MTMR8: variants seen among roughly 807,000 people sequenced by gnomAD.
MTMR8 encodes the protein phosphatidylinositol-3,5-bisphosphate 3-phosphatase MTMR8.
Under a neutral mutation model 39.3 loss-of-function variants are expected in MTMR8, and 65 were observed. The ratio of observed to expected loss-of-function variants is 1.65; its 90% CI spans 1.35 to 2.03. The LOEUF (loss-of-function observed/expected upper bound fraction) is 2.03, where lower values mean the gene tolerates loss of function less well. Among genes scored for constraint, MTMR8 ranks in the 30% most tolerant of loss-of-function variants. The pLI is 0.00. For missense variants in MTMR8, 777 were observed against 538.9 expected (o/e 1.44, Z -4.37); for synonymous variants, 245 against 185.2 (o/e 1.32, Z -2.62).
At chrX:64,329,748 A>G (rs1388754074) in intron 11 of MTMR8, among the ~76,000 whole-genome samples, 1 of 111,226 alleles carries the variant, frequency 9.0e-6, no homozygotes, top group Non-Finnish European at 1.9e-5. Flanking sequence ...CAATTGTCAG[A>G]GCATTTCAGT....
rs147508490 is a variant in MTMR8 at position 64,311,885 on chromosome X, G to A, written c.1481+16887C>T. Among the ~76,000 whole-genome samples the A allele has an allele frequency of 9.4e-3, 1,028 of 108,858 alleles. 15 individuals carry two copies. The highest frequency in any genetic ancestry group is 0.031 in the African/African-American group (919 of 29,670). 94.5% of individuals were successfully genotyped at this position (108,858 alleles called of 115,157 possible). On this transcript the variant is annotated intron_variant, in intron 12 of 13. Coordinates refer to ENST00000374852, the MANE Select transcript of MTMR8 (RefSeq NM_017677.4). Reference sequence around the variant, plus strand: ...TATATATCTGCTTTGGTACCAGCACGATGCTGTTTTGGTTACTGTAGCCTT... The same window carrying A: ...TATATATCTGCTTTGGTACCAGCACAATGCTGTTTTGGTTACTGTAGCCTT...
chrX:64,374,594 A>G (rs1025561025), intron 1 of MTMR8, among the ~76,000 whole-genome samples: 3 of 111,832 alleles, frequency 2.7e-5, no homozygotes, highest in African/African-American at 9.8e-5. Flanking sequence ...CTCAGCCAAG[A>G]GTGGAATAAA....
chrX:64,331,532 G>T (rs1922938566), intron 11 of MTMR8, 25 bp downstream of exon 11: 2 of 1,190,256 alleles, frequency 1.7e-6, no homozygotes, highest in Admixed American at 2.2e-5. Flanking sequence ...TCCCTGTTCA[G>T]TGTCTTCTCA....
chrX:64,320,732 A>G (rs1418285079), intron 12 of MTMR8, among the ~76,000 whole-genome samples: 1 of 111,016 alleles, frequency 9.0e-6, no homozygotes, highest in Non-Finnish European at 1.9e-5. Context: ...GGTCAGATAC[A>G]TGCTGAGGGT....
chrX:64,321,784 T>C (rs1427263651), intron 12 of MTMR8, among the ~76,000 whole-genome samples: 1 of 112,384 alleles, frequency 8.9e-6, no homozygotes, highest in Non-Finnish European at 1.9e-5. Context: ...AATATAGTAT[T>C]ACCTGTGGGT....
intron 10 of MTMR8, among the ~76,000 whole-genome samples, chrX:64,332,921 T>A (rs1922980379): frequency 9.0e-6 from 1 of 111,546 alleles, no homozygotes; most frequent in Admixed American, 9.6e-5. Context: ...TCTTAACTCC[T>A]GCAGACCTCA....
chrX:64,331,074 A>C (rs1322056166), intron 11 of MTMR8, among the ~76,000 whole-genome samples: 2 of 111,608 alleles, frequency 1.8e-5, no homozygotes, highest in Non-Finnish European at 3.8e-5. Flanking sequence ...GAACTCATTC[A>C]TGTAACCAAA....
At chrX:64,359,357 T>C (rs377477783) in intron 2 of MTMR8, 48 bp downstream of exon 2, 1 of 1,148,704 alleles carries the variant, frequency 8.7e-7, no homozygotes, top group Admixed American at 2.4e-5. Context: ...AGAGAGCATG[T>C]ATGCACAACT....
At chrX:64,324,553 C>T (rs1387268394) in intron 12 of MTMR8, among the ~76,000 whole-genome samples, 1 of 109,899 alleles carries the variant, frequency 9.1e-6, no homozygotes, top group Admixed American at 9.8e-5. Context: ...GATGTGGTGG[C>T]ATGCACCTGT....
intron 12 of MTMR8, among the ~76,000 whole-genome samples, chrX:64,290,747 T>C (rs1921366642): frequency 8.9e-6 from 1 of 112,188 alleles, no homozygotes; most frequent in East Asian, 2.8e-4. Context: ...GAAATTGGCA[T>C]TTTTCACTTA....
chrX:64,274,080 C>T (rs1440758097), intron 12 of MTMR8, among the ~76,000 whole-genome samples: 1 of 111,467 alleles, frequency 9.0e-6, no homozygotes, highest in Non-Finnish European at 1.9e-5. Context: ...AAATAGCAGA[C>T]TTGAACAAGT....
At chrX:64,326,484 CA>C (rs1224801732) in intron 12 of MTMR8, among the ~76,000 whole-genome samples, 1 of 111,231 alleles carries the variant, frequency 9.0e-6, no homozygotes, top group Non-Finnish European at 1.9e-5. Context: ...TAAGTTTAAC[CA>C]AGGAGGTGAA....
chrX:64,322,944 C>T (rs1476303475), intron 12 of MTMR8, among the ~76,000 whole-genome samples: 2 of 112,756 alleles, frequency 1.8e-5, no homozygotes, highest in Non-Finnish European at 3.7e-5. Flanking sequence ...CTGAGTACTG[C>T]CCAGTGATGT....
intron 2 of MTMR8, among the ~76,000 whole-genome samples, chrX:64,357,665 C>G (rs1015894709): frequency 3.6e-5 from 4 of 111,443 alleles, no homozygotes; most frequent in African/African-American, 1.3e-4. Context: ...TGGCTTCAAG[C>G]GATCCTTCTT....
At chrX:64,339,309 A>G (rs1923156030) in intron 8 of MTMR8, among the ~76,000 whole-genome samples, 1 of 111,603 alleles carries the variant, frequency 9.0e-6, no homozygotes, top group Admixed American at 9.5e-5. Flanking sequence ...CCAGGAGGGA[A>G]TAGTTGGATA....
At chrX:64,275,528 C>T (rs1931852441) in intron 12 of MTMR8, among the ~76,000 whole-genome samples, 1 of 107,637 alleles carries the variant, frequency 9.3e-6, no homozygotes, top group Non-Finnish European at 1.9e-5. Context: ...AGGCCCCCAT[C>T]GCTAAAAAAA....
intron 1 of MTMR8, among the ~76,000 whole-genome samples, chrX:64,368,253 A>AC (rs1296310441): frequency 8.9e-6 from 1 of 111,876 alleles, no homozygotes; most frequent in African/African-American, 3.3e-5. Flanking sequence ...TTGGAAAAAA[A>AC]ACTACTGTAA....
Position 64,295,669 on chromosome X carries a change from A to G in MTMR8, c.1482-24596T>C, listed in dbSNP as rs768265099. Among the ~76,000 whole-genome samples the G allele has an allele frequency of 3.6e-5, 4 of 112,056 alleles. No homozygotes were observed. In the East Asian group the frequency reaches 1.1e-3, roughly 31 times the overall value. On this transcript the variant is annotated intron_variant, in intron 12 of 13. Coordinates refer to ENST00000374852, the MANE Select transcript of MTMR8 (RefSeq NM_017677.4). ...ATGGACTTGAATAGATATTTCTCCAAAGAAGATATACAAATGGACAATAAG... is the reference window on the plus strand; with the variant it reads ...ATGGACTTGAATAGATATTTCTCCAGAGAAGATATACAAATGGACAATAAG...
intron 12 of MTMR8, among the ~76,000 whole-genome samples, chrX:64,312,373 A>T (rs751588349): frequency 1.8e-5 from 2 of 111,909 alleles, no homozygotes; most frequent in Middle Eastern, 4.6e-3. Context: ...GACTTTGCTG[A>T]AGTTGCTTAT....
Sources: allele counts gnomAD v4.1 joint callset (sites outside exome capture counted in the v4.1 genomes callset), GRCh38; gene constraint gnomAD v4.1.1; transcripts MANE v1.5; gene names NCBI Gene and HGNC (gene_info 2026-07-23, HGNC 2026-07-21).